RAPH1: variants seen among roughly 807,000 people sequenced by gnomAD.
RAPH1 encodes ras-associated and pleckstrin homology domains-containing protein 1.
Under a neutral mutation model 88.1 loss-of-function variants are expected in RAPH1, and 18 were observed. That is an observed-to-expected ratio of 0.20 (90% CI 0.14 to 0.30). The LOEUF (loss-of-function observed/expected upper bound fraction) is 0.30, where lower values mean the gene tolerates loss of function less well. RAPH1 is among the 10% of genes least tolerant of loss of function. The pLI is 1.00. For synonymous variants in RAPH1, 587 were observed against 559.0 expected (o/e 1.05, Z -0.71); for missense variants, 1,448 against 1,543.2 (o/e 0.94, Z 1.03).
At chr2:203,504,840 C>G (rs1688907654) in intron 1 of RAPH1, among the ~76,000 whole-genome samples, 1 of 152,168 alleles carries the variant, frequency 6.6e-6, no homozygotes, top group Non-Finnish European at 1.5e-5. Flanking sequence ...AATCATCTCT[C>G]TCAATTTCAA....
chr2:203,496,293 G>C (rs1688510754), intron 1 of RAPH1, among the ~76,000 whole-genome samples: 1 of 152,188 alleles, frequency 6.6e-6, no homozygotes, highest in Non-Finnish European at 1.5e-5. Flanking sequence ...GGGAGACAGA[G>C]GTTGCAGAGA....
intron 4 of RAPH1, among the ~76,000 whole-genome samples, chr2:203,481,587 A>G (rs1400904891): frequency 6.8e-6 from 1 of 147,440 alleles, no homozygotes; most frequent in Non-Finnish European, 1.5e-5. Context: ...ATATATATAT[A>G]TATATATACA....
chr2:203,443,642 A>AG (rs1055057533), intron 13 of RAPH1: 5 of 147,336 alleles, frequency 3.4e-5, no homozygotes, highest in African/African-American at 1.2e-4. Flanking sequence ...AAAAGCATTA[A>AG]AAAAAAAAAA....
intron 4 of RAPH1, among the ~76,000 whole-genome samples, chr2:203,481,160 T>C (rs1687703005): frequency 6.6e-6 from 1 of 152,162 alleles, no homozygotes; most frequent in Non-Finnish European, 1.5e-5. Flanking sequence ...CTCCTGCCCA[T>C]GTAGTTAGTT....
At chr2:203,462,907 T>C (rs1050431480) in intron 4 of RAPH1, among the ~76,000 whole-genome samples, 2 of 151,918 alleles carry the variant, frequency 1.3e-5, no homozygotes, top group African/African-American at 4.8e-5. Flanking sequence ...CTAAGAAAAA[T>C]AAAAACTTTT....
chr2:203,524,459 A>G (rs900443774), intron 1 of RAPH1, among the ~76,000 whole-genome samples: 11 of 152,218 alleles, frequency 7.2e-5, no homozygotes, highest in Non-Finnish European at 1.5e-4. Context: ...CCACAATTGG[A>G]AACAGCCTAA....
At chr2:203,524,847 T>C (rs1203014699) in intron 1 of RAPH1, among the ~76,000 whole-genome samples, 1 of 152,214 alleles carries the variant, frequency 6.6e-6, no homozygotes, top group Non-Finnish European at 1.5e-5. Context: ...ATGTGCAGTT[T>C]ATTATATAGA....
At chr2:203,445,308 C>T (rs1202848249) in intron 12 of RAPH1, 1 of 279,758 alleles carries the variant, frequency 3.6e-6, no homozygotes, top group African/African-American at 2.2e-5. Flanking sequence ...ATGAAATCAA[C>T]TCTAAACAAT....
rs2098499527 is a variant in RAPH1, at chr2:203,437,586, C to G, written c.*1851G>C. ...GACCTAAAAATTAATGGTATATATT[C>G]TTATTGCTCCATAACCACATGAACA... On this transcript the variant is annotated 3_prime_UTR_variant, in exon 14 of 14. Transcript: ENST00000319170. 6.6e-6 allele frequency: 1 copy of G among 152,302 alleles called. No homozygotes were observed. The highest frequency in any genetic ancestry group is 2.4e-5 in the African/African-American group (1 of 41,436). The allele number at this position is 152,302 out of a possible 1,614,324, so 9.4% of individuals were successfully genotyped here.
chr2:203,534,208 T>A (rs1690510104), intron 1 of RAPH1, among the ~76,000 whole-genome samples: 1 of 152,140 alleles, frequency 6.6e-6, no homozygotes, highest in South Asian at 2.1e-4. Flanking sequence ...GCAGACAACA[T>A]CAACCCTTAT....
chr2:203,454,260 A>C (rs2098517291), intron 10 of RAPH1, among the ~76,000 whole-genome samples, 170 bp downstream of exon 10: 1 of 152,250 alleles, frequency 6.6e-6, no homozygotes, highest in Non-Finnish European at 1.5e-5. Context: ...AGGGTCTGCT[A>C]TGATATAGCA....
At chr2:203,513,672 TAAA>T (rs557810283) in intron 1 of RAPH1, among the ~76,000 whole-genome samples, 2,997 of 149,236 alleles carry the variant, frequency 0.02, 45 homozygotes, top group Non-Finnish European at 0.032. Context: ...CCGTCTCTAC[TAAA>T]AATACAAAAA....
intron 1 of RAPH1, among the ~76,000 whole-genome samples, chr2:203,504,251 C>A (rs1362747382): frequency 6.6e-6 from 1 of 152,236 alleles, no homozygotes; most frequent in East Asian, 1.9e-4. Flanking sequence ...CCCACCCCTG[C>A]AGCAAACTTT....
intron 1 of RAPH1, among the ~76,000 whole-genome samples, chr2:203,509,671 G>A (rs1245301215): frequency 6.6e-6 from 1 of 152,118 alleles, no homozygotes; most frequent in East Asian, 1.9e-4. Flanking sequence ...ATCCCCCACT[G>A]ATATAGTTTG....
chr2:203,468,158 G>A (rs1439503888), intron 4 of RAPH1, among the ~76,000 whole-genome samples: 1 of 152,138 alleles, frequency 6.6e-6, no homozygotes, highest in East Asian at 1.9e-4. Flanking sequence ...ACATTGTCTG[G>A]CACATAGTAG....
chr2:203,462,551 T>G (rs752822359), intron 4 of RAPH1, among the ~76,000 whole-genome samples: 17 of 152,222 alleles, frequency 1.1e-4, no homozygotes, highest in Non-Finnish European at 2.9e-5. Flanking sequence ...ATGTAATCAA[T>G]GTCTTATGTC....
Position 203,535,223 on chromosome 2 carries a change from C to G in RAPH1, c.-113G>C, listed in dbSNP as rs893435223. On this transcript the variant is annotated 5_prime_UTR_variant, in exon 1 of 14. Transcript: ENST00000319170. The stretch of plus-strand genomic sequence containing the variant: ...GCGCGGCGCTCCCTCGCCAGAGACG[C>G]AGCGACTGCCAGCAGCTCCCGCGCC... The G allele has an allele frequency of 1.3e-5, 2 of 152,330 alleles. No individual in the cohort carries two copies. Among genetic ancestry groups the G allele is most frequent in the African/African-American group, 4.8e-5 (2 of 41,416 alleles). The allele number at this position is 152,330 out of a possible 1,614,324, so 9.4% of individuals were successfully genotyped here.
intron 10 of RAPH1, among the ~76,000 whole-genome samples, chr2:203,450,015 TTCGTCTCCAAAA>T (rs2098513392): frequency 6.7e-6 from 1 of 148,546 alleles, no homozygotes; most frequent in African/African-American, 2.5e-5. Flanking sequence ...AGAGCGAGAC[TTCGTCTCCAAAA>T]AAAAAAAAAA....
At chr2:203,455,244 C>G (rs558116488) in intron 9 of RAPH1, among the ~76,000 whole-genome samples, 193 bp downstream of exon 9, 1 of 152,304 alleles carries the variant, frequency 6.6e-6, no homozygotes, top group South Asian at 2.1e-4. Flanking sequence ...GAGATAGGCT[C>G]AACTAGTGAC....
Sources: allele counts gnomAD v4.1 joint callset (sites outside exome capture counted in the v4.1 genomes callset), GRCh38; gene constraint gnomAD v4.1.1; transcripts MANE v1.5; gene names NCBI Gene and HGNC (gene_info 2026-07-23, HGNC 2026-07-21).